DCHS2: variants seen among roughly 807,000 people sequenced by gnomAD.
DCHS2 encodes the protein protocadherin-23.
DCHS2 carries 142 observed loss-of-function variants against 182.4 expected under a neutral mutation model. That is an observed-to-expected ratio of 0.78 (90% CI 0.68 to 0.89). DCHS2 has a LOEUF of 0.89. Among genes scored for constraint, DCHS2 ranks in the 40% least tolerant of loss-of-function variants. The pLI is 0.00. For missense variants in DCHS2, 4,319 were observed against 4,198.6 expected (o/e 1.03, Z -0.79); for synonymous variants, 1,740 against 1,663.3 (o/e 1.05, Z -1.12).
At chr4:154,347,648 G>A (rs1262376786) in intron 3 of DCHS2, among the ~76,000 whole-genome samples, 1 of 151,722 alleles carries the variant, frequency 6.6e-6, no homozygotes, top group Non-Finnish European at 1.5e-5. Context: ...AGGACTACAA[G>A]GTATTAGATG....
chr4:154,329,637 G>T lies in DCHS2; in HGVS notation c.3804C>A (p.Asp1268Glu). The T allele has an allele frequency of 6.2e-7, 1 of 1,612,590 alleles. No homozygotes were observed. The highest frequency in any genetic ancestry group is 8.5e-7 in the Non-Finnish European group (1 of 1,179,854). The change falls in exon 6 of 20, where the codon GAC becomes GAA. Residue 1268 changes from aspartate (D) to glutamate (E), a missense_variant. Asp to Glu is a conservative substitution (Grantham distance 45). Coordinates refer to ENST00000357232, the MANE Select transcript of DCHS2 (RefSeq NM_001358235.2). ...TGGCGTTTCGTGGTGGGGAGCCGCGGTCTGTCACTAGCACAGTCATCTCAT... is the reference window on the plus strand; with the variant it reads ...TGGCGTTTCGTGGTGGGGAGCCGCGTTCTGTCACTAGCACAGTCATCTCAT... The part of the protein sequence containing the change: ...GHHEMTVLVT[D>E]RGSPPRNATM...
intron 14 of DCHS2, among the ~76,000 whole-genome samples, chr4:154,265,060 A>T (rs1733175638): frequency 6.6e-6 from 1 of 152,210 alleles, no homozygotes; most frequent in South Asian, 2.1e-4. Context: ...AAATAACTAT[A>T]TAACTTCAGA....
At chr4:154,421,579 G>A (rs1733113615) in intron 1 of DCHS2, among the ~76,000 whole-genome samples, 1 of 152,030 alleles carries the variant, frequency 6.6e-6, no homozygotes, top group South Asian at 2.1e-4. Flanking sequence ...ATTTTTAGTA[G>A]AGACAGGGTT....
intron 14 of DCHS2, chr4:154,269,333 C>T (rs1488901802): frequency 6.6e-6 from 1 of 152,580 alleles, no homozygotes; most frequent in African/African-American, 2.4e-5. Context: ...TGTGTATCTA[C>T]TACAGAGTTG....
intron 13 of DCHS2, among the ~76,000 whole-genome samples, chr4:154,270,835 A>G (rs1733555484): frequency 6.6e-6 from 1 of 151,948 alleles, no homozygotes; most frequent in Non-Finnish European, 1.5e-5. Flanking sequence ...TGAGAGCATA[A>G]AGAAAAGAAA....
chr4:154,353,154 A>G (rs560586603), intron 3 of DCHS2, among the ~76,000 whole-genome samples: 1 of 152,346 alleles, frequency 6.6e-6, no homozygotes, highest in Admixed American at 6.5e-5. Flanking sequence ...CAAGCCAAGA[A>G]GTTAGATTAA....
chr4:154,372,611 T>C (rs1264497279), intron 2 of DCHS2, among the ~76,000 whole-genome samples: 1 of 152,130 alleles, frequency 6.6e-6, no homozygotes, highest in African/African-American at 2.4e-5. Flanking sequence ...AAAAAATCTA[T>C]TTGGTAAAAA....
rs749644033 is a variant in DCHS2 at position 154,329,695 on chromosome 4, C to T, written c.3746G>A (p.Trp1249Ter). The T allele has an allele frequency of 1.2e-5, 19 of 1,611,728 alleles. No individual in the cohort carries two copies. Among genetic ancestry groups the T allele is most frequent in the Non-Finnish European group, 1.6e-5 (19 of 1,179,778 alleles). ...CCGGTGCTCACGATCCAGTGCCACC[C>T]AATTGATTAACTCTCCTGCAGAGTA... ...MNPNTGELIN[W>*]VALDREHRGH... The change falls in exon 6 of 20, where the codon TGG becomes TAG. Residue 1249 changes from tryptophan (W) to a stop codon, truncating the protein, a stop_gained. Transcript: ENST00000357232. LOFTEE classifies it high-confidence loss of function.
Position 154,303,212 on chromosome 4 carries a change from C to G in DCHS2, c.5605+1457G>C, listed in dbSNP as rs749705053. On this transcript the variant is annotated intron_variant, in intron 12 of 19. Transcript: ENST00000357232. ...GGCCAGGCTGGTCTCGAACTCCTGA[C>G]CTCAGGTGATCCGCCCACGTTGGCC... is the stretch of plus-strand genomic sequence containing the variant. 4.6e-5 allele frequency among the ~76,000 whole-genome samples: 7 copies of G among 151,980 alleles called. No individual in the cohort carries two copies. The East Asian group carries it at 1.4e-3, about 29-fold the overall frequency.
At chr4:154,273,017 C>T (rs946891949) in intron 13 of DCHS2, among the ~76,000 whole-genome samples, 3 of 151,990 alleles carry the variant, frequency 2.0e-5, no homozygotes, top group African/African-American at 7.3e-5. Context: ...ACTAGTACGA[C>T]GACTATGGAA....
chr4:154,420,519 G>A (rs902291979), intron 1 of DCHS2, among the ~76,000 whole-genome samples: 1 of 152,114 alleles, frequency 6.6e-6, no homozygotes, highest in African/African-American at 2.4e-5. Flanking sequence ...CTGAGATTTG[G>A]GGCAGGACAC....
chr4:154,299,440 C>A (rs1392453832), intron 12 of DCHS2, among the ~76,000 whole-genome samples: 3 of 152,090 alleles, frequency 2.0e-5, no homozygotes, highest in Non-Finnish European at 4.4e-5. Context: ...TTTTAAATAA[C>A]CCTGAAAATT....
At chr4:154,309,152 T>G (rs1180154205) in intron 10 of DCHS2, among the ~76,000 whole-genome samples, 3 of 152,186 alleles carry the variant, frequency 2.0e-5, no homozygotes, top group Non-Finnish European at 4.4e-5. Flanking sequence ...TTGTAGTGGT[T>G]GTTCCCTCTG....
intron 1 of DCHS2, among the ~76,000 whole-genome samples, chr4:154,387,404 TACTAAA>T (rs58607205): frequency 0.23 from 34,563 of 151,854 alleles, 4,204 homozygotes; most frequent in South Asian, 0.36. Context: ...AAACAGATCC[TACTAAA>T]ACTAAAAGTG....
intron 13 of DCHS2, among the ~76,000 whole-genome samples, chr4:154,289,547 A>G (rs1290061119): frequency 2.0e-5 from 3 of 152,066 alleles, no homozygotes; most frequent in Admixed American, 6.6e-5. Flanking sequence ...AAAGTATTCC[A>G]AAAAATAAAG....
intron 15 of DCHS2, among the ~76,000 whole-genome samples, chr4:154,258,818 C>A (rs1397907208): frequency 1.3e-5 from 2 of 152,218 alleles, no homozygotes; most frequent in African/African-American, 4.8e-5. Context: ...GTGCTGACCA[C>A]AGCCATGACA....
intron 1 of DCHS2, among the ~76,000 whole-genome samples, chr4:154,471,239 C>T (rs558904807): frequency 1.3e-5 from 2 of 152,270 alleles, no homozygotes; most frequent in East Asian, 3.9e-4. Flanking sequence ...CAGAATGATT[C>T]CACAATCTAT....
chr4:154,283,335 A>G (rs1734242032), intron 13 of DCHS2, among the ~76,000 whole-genome samples: 1 of 152,110 alleles, frequency 6.6e-6, no homozygotes, highest in Non-Finnish European at 1.5e-5. Context: ...AAATTTGTGG[A>G]TAGGTGAAAA....
chr4:154,320,600 C>A lies in DCHS2; in HGVS notation c.4799G>T (p.Arg1600Leu). 1 of 1,614,042 alleles carries A rather than the reference C, an allele frequency of 6.2e-7. No homozygotes were observed. Among genetic ancestry groups the A allele is most frequent in the Non-Finnish European group, 8.5e-7 (1 of 1,179,988 alleles). Reference sequence around the variant, plus strand: ...TATTTGTGCTGTCAGTGATCTCAGTCGCCGGTCTGTCACATTCACAGCCTG... The same window carrying A: ...TATTTGTGCTGTCAGTGATCTCAGTAGCCGGTCTGTCACATTCACAGCCTG... ...SDQAVNVTDR[R>L]LRSLTAQIVI... Residue 1600 changes from arginine to leucine, a missense_variant, in exon 9 of 20, where the codon CGA becomes CTA. Arg to Leu is a moderately radical substitution (Grantham distance 102, BLOSUM62 -2). Coordinates refer to ENST00000357232, the MANE Select transcript of DCHS2 (RefSeq NM_001358235.2).
Sources: gnomAD v4.1 joint callset for allele counts (sites outside exome capture counted in the v4.1 genomes callset) on GRCh38, gnomAD v4.1.1 for gene constraint, MANE v1.5 for transcripts, NCBI Gene and HGNC (gene_info 2026-07-23, HGNC 2026-07-21) for gene names.